KANTR: variants seen among roughly 807,000 people sequenced by gnomAD.
The protein encoded by KANTR is KDM5C adjacent transcript.
intron 2 of KANTR, among the ~76,000 whole-genome samples, chrX:53,136,730 A>ATATATATATATT (rs1491325771): frequency 2.3e-5 from 1 of 42,572 alleles, no homozygotes; most frequent in Non-Finnish European, 4.5e-5. Context: ...ATATATATAT[A>ATATATATATATT]TTTTGTTTGT....
At chrX:53,096,910 C>T (rs1932848935) in intron 1 of KANTR, among the ~76,000 whole-genome samples, 1 of 109,743 alleles carries the variant, frequency 9.1e-6, no homozygotes, top group Non-Finnish European at 1.9e-5. Context: ...GGGTGGATCA[C>T]CTGAGGTCAG....
At chrX:53,128,439 T>C (rs1323785468), downstream of KANTR, among the ~76,000 whole-genome samples, 1 of 111,724 alleles carries the variant, frequency 9.0e-6, no homozygotes, top group Non-Finnish European at 1.9e-5. Context: ...AGATGGCATA[T>C]GAACTAAATC....
chrX:53,143,623 G>A, downstream of KANTR: 2 of 710,554 alleles, frequency 2.8e-6, no homozygotes, highest in Non-Finnish European at 4.5e-6. Flanking sequence ...CTTCTCTGGG[G>A]TCATGCACAG....
rs187986667 is a variant in KANTR at position 53,111,674 on chromosome X, A to G, written c.-804-11795A>G. On this transcript the variant is annotated intron_variant, in intron 2 of 2. Coordinates refer to ENST00000604062, the Ensembl canonical transcript of KANTR. The stretch of plus-strand genomic sequence containing the variant: ...TGCAGCTTGAAAAACTCTCTTTAGC[A>G]CAGAGGTGTCCAAGGGAACGAATAC... Among the ~76,000 whole-genome samples, 3 of 111,657 alleles carry G rather than the reference A, an allele frequency of 2.7e-5. No homozygotes were observed. The East Asian group carries it at 8.5e-4, about 31-fold the overall frequency.
At chrX:53,103,707 A>C (rs1932914691) in intron 2 of KANTR, among the ~76,000 whole-genome samples, 1 of 111,423 alleles carries the variant, frequency 9.0e-6, no homozygotes, top group South Asian at 3.7e-4. Flanking sequence ...CTGTCCTTAC[A>C]CTCAGGCTTC....
downstream of KANTR, chrX:53,143,242 C>T (rs1933528395): frequency 2.3e-5 from 14 of 621,276 alleles, no homozygotes; most frequent in Non-Finnish European, 3.3e-5. Context: ...GTGGCAGTGG[C>T]CATCTCCTGC....
At chrX:53,127,500 T>C (rs782518447), downstream of KANTR, 2 of 111,632 alleles carry the variant, frequency 1.8e-5, no homozygotes, top group East Asian at 5.6e-4. Context: ...CCTTGAGGAG[T>C]AGGCTAGGCA....
chrX:53,143,621 G>T (rs1300371505), downstream of KANTR: 2 of 706,696 alleles, frequency 2.8e-6, no homozygotes, highest in East Asian at 3.2e-5. Context: ...TGCTTCTCTG[G>T]GGTCATGCAC....
At chrX:53,140,806 A>T (rs1002727643) in intron 2 of KANTR, among the ~76,000 whole-genome samples, 1 of 112,232 alleles carries the variant, frequency 8.9e-6, no homozygotes, top group African/African-American at 3.2e-5. Context: ...TATAATTTTT[A>T]AAATAATGAT....
At chrX:53,108,087 C>G (rs1556813128) in intron 2 of KANTR, among the ~76,000 whole-genome samples, 1 of 110,173 alleles carries the variant, frequency 9.1e-6, no homozygotes, top group East Asian at 2.8e-4. Flanking sequence ...GACGGGGTTG[C>G]ACCATGTTGG....
At chrX:53,101,736 G>C (rs782798971) in intron 2 of KANTR, among the ~76,000 whole-genome samples, 1 of 111,847 alleles carries the variant, frequency 8.9e-6, no homozygotes, top group Admixed American at 9.5e-5. Context: ...GGTAGCTCAC[G>C]CCTGTAATCC....
chrX:53,111,904 A>G (rs1333037141), intron 2 of KANTR, among the ~76,000 whole-genome samples: 2 of 112,242 alleles, frequency 1.8e-5, no homozygotes, highest in Non-Finnish European at 3.8e-5. Context: ...TCTGGTGGCA[A>G]TGAACTCCCT....
chrX:53,099,819 C>A (rs1932874564), intron 2 of KANTR, among the ~76,000 whole-genome samples: 1 of 112,180 alleles, frequency 8.9e-6, no homozygotes, highest in African/African-American at 3.2e-5. Context: ...CATCAGAGCT[C>A]TTAGGTGATC....
At chrX:53,128,382 A>G (rs782496772), downstream of KANTR, among the ~76,000 whole-genome samples, 11 of 111,583 alleles carry the variant, frequency 9.9e-5, no homozygotes, top group Non-Finnish European at 1.9e-4. Context: ...AGAGCCCCTA[A>G]GGAATACACA....
intron 2 of KANTR, among the ~76,000 whole-genome samples, chrX:53,135,058 T>G (rs1235709319): frequency 8.9e-6 from 1 of 112,097 alleles, no homozygotes; most frequent in African/African-American, 3.2e-5. Flanking sequence ...TTGTCGGGAT[T>G]GCTTCCCAGC....
chrX:53,112,400 GT>G lies in KANTR; in HGVS notation c.-804-11064del, dbSNP rs782371416. 5.9e-3 allele frequency among the ~76,000 whole-genome samples: 661 copies of G among 112,313 alleles called. 6 individuals are homozygous for G. The highest frequency in any genetic ancestry group is 9.2e-3 in the Middle Eastern group (2 of 217). On this transcript the variant is annotated intron_variant, in intron 2 of 2. Transcript: ENST00000604062. ...TGATGGGCATTTGGGCTGGTGCCAT[GT>G]TTTTGCAGGTGTGAATTGTGCTGCT...
At chrX:53,096,136 C>T (rs1932843464) in intron 1 of KANTR, among the ~76,000 whole-genome samples, 1 of 111,273 alleles carries the variant, frequency 9.0e-6, no homozygotes, top group Non-Finnish European at 1.9e-5. Context: ...CCTAATATGC[C>T]CCTGCTCTGT....
At chrX:53,105,751 C>T (rs983475661) in intron 2 of KANTR, among the ~76,000 whole-genome samples, 2 of 107,357 alleles carry the variant, frequency 1.9e-5, no homozygotes, top group East Asian at 2.9e-4. Flanking sequence ...CCACCTGCCT[C>T]GGCCTCCCAA....
At chrX:53,142,975 C>T, downstream of KANTR, 4 of 1,001,212 alleles carry the variant, frequency 4.0e-6, no homozygotes, top group Non-Finnish European at 4.2e-6. Flanking sequence ...CTTCATGGTG[C>T]TGGATGCCAG....
Sources: allele counts gnomAD v4.1 joint callset (sites outside exome capture counted in the v4.1 genomes callset), GRCh38; gene constraint gnomAD v4.1.1; transcripts MANE v1.5; gene names NCBI Gene and HGNC (gene_info 2026-07-23, HGNC 2026-07-21).